Variants in NCAPD3 observed in about 807,000 individuals in gnomAD.
The protein encoded by NCAPD3 is condensin-2 complex subunit D3.
A neutral mutation model predicts 182.9 loss-of-function variants in NCAPD3; 105 were observed. The observed-to-expected ratio is 0.57, with a 90% CI of 0.49 to 0.68. The LOEUF is 0.68. Ranked by LOEUF, NCAPD3 falls within the 30% of genes least tolerant of loss-of-function variation. NCAPD3 has a pLI of 0.00. For synonymous variants in NCAPD3, 815 were observed against 679.9 expected, an observed-to-expected ratio of 1.20 and a Z score of -3.09; for missense variants, 1,944 against 1,837.0, an observed-to-expected ratio of 1.06 and a Z score of -1.07.
chr11:134,158,704 C>G (rs536386824), intron 29 of NCAPD3, among the ~76,000 whole-genome samples: 5 of 152,256 alleles, frequency 3.3e-5, no homozygotes, highest in Admixed American at 3.3e-4. Flanking sequence ...CTTCTATGTA[C>G]TTTGAAATAT....
intron 19 of NCAPD3, among the ~76,000 whole-genome samples, chr11:134,182,372 T>G (rs1944316079): frequency 6.6e-6 from 1 of 152,244 alleles, no homozygotes. Context: ...CATTCATTGG[T>G]CCAGATAGGT....
At position 134,209,382 on chromosome 11, in the gene NCAPD3, C is replaced by G; in HGVS notation, c.663G>C (p.Lys221Asn). The G allele has an allele frequency of 6.2e-7, 1 of 1,614,004 alleles. No individual in the cohort carries two copies. The highest frequency in any genetic ancestry group is 8.5e-7 in the Non-Finnish European group (1 of 1,179,956). ...QIRNAIFHLL[K>N]NFLRLLPKFS... is the part of the protein sequence containing the mutation. Reference sequence around the variant, plus strand: ...ACTTTGGCAGAAGCCTTAAAAAATTCTTTAAAAGGTGAAAGATGGCATTTC... The same window carrying G: ...ACTTTGGCAGAAGCCTTAAAAAATTGTTTAAAAGGTGAAAGATGGCATTTC... The change falls in exon 5 of 35, where the codon AAG becomes AAC. Residue 221 changes from lysine to asparagine, a missense_variant. Transcript: ENST00000534548.
chr11:134,202,721 GAAAA>G, intron 13 of NCAPD3, 91 bp downstream of exon 13: 2 of 765,848 alleles, frequency 2.6e-6, no homozygotes, highest in Admixed American at 3.4e-5. Context: ...GAATAAATCA[GAAAA>G]AAAAAAAAAA....
chr11:134,162,874 A>C (rs1943627593), intron 27 of NCAPD3, among the ~76,000 whole-genome samples: 1 of 152,212 alleles, frequency 6.6e-6, no homozygotes, highest in Non-Finnish European at 1.5e-5. Flanking sequence ...AGAGGTGTTA[A>C]GTGGCAGGGT....
intron 19 of NCAPD3, among the ~76,000 whole-genome samples, 197 bp downstream of exon 19, chr11:134,184,440 T>C (rs576725954): frequency 6.6e-6 from 1 of 152,328 alleles, no homozygotes; most frequent in Non-Finnish European, 1.5e-5. Flanking sequence ...GGGTGCCGTG[T>C]CTCTTAGGCA....
intron 16 of NCAPD3, among the ~76,000 whole-genome samples, chr11:134,190,748 A>T (rs985768116): frequency 3.3e-5 from 5 of 152,166 alleles, no homozygotes; most frequent in African/African-American, 1.2e-4. Context: ...GAGTGCTGGG[A>T]ATATAGCCTG....
intron 3 of NCAPD3, among the ~76,000 whole-genome samples, chr11:134,214,268 A>G (rs1937939887): frequency 1.3e-5 from 2 of 152,336 alleles, no homozygotes; most frequent in East Asian, 3.9e-4. Flanking sequence ...GTAAGATTTC[A>G]GGAAAGTTCA....
At chr11:134,172,163 CCCA>C (rs568536916) in intron 24 of NCAPD3, among the ~76,000 whole-genome samples, 2 of 152,146 alleles carry the variant, frequency 1.3e-5, no homozygotes, top group Non-Finnish European at 2.9e-5. Context: ...CCGTGGTGCT[CCCA>C]CCATCTGCCT....
intron 29 of NCAPD3, 47 bp from the exon 30 acceptor site, chr11:134,158,542 T>C (rs1258304707): frequency 6.4e-7 from 1 of 1,571,240 alleles, no homozygotes; most frequent in Admixed American, 1.7e-5. Flanking sequence ...CTTTTTAAGT[T>C]TTCAAAAACG....
At chr11:134,177,574 GC>G in intron 22 of NCAPD3, 117 bp from the exon 23 acceptor site, 1 of 862,620 alleles carries the variant, frequency 1.2e-6, no homozygotes, top group Non-Finnish European at 1.8e-6. Context: ...AAAACATCAT[GC>G]CCACAATCAC....
chr11:134,172,231 A>T (rs1392958828), intron 24 of NCAPD3, among the ~76,000 whole-genome samples: 8 of 152,070 alleles, frequency 5.3e-5, no homozygotes, highest in Non-Finnish European at 8.8e-5. Context: ...AAATCCCCGC[A>T]GGACTCCCCA....
In NCAPD3 at chr11:134,163,420, C is replaced by A. The variant is rs1943649741; in HGVS notation, c.3574-1529G>T. Among the ~76,000 whole-genome samples the A allele has an allele frequency of 2.6e-5, 4 of 152,176 alleles. 1 individual carries two copies. Among genetic ancestry groups the A allele is most frequent in the Middle Eastern group, 3.4e-3 (1 of 294 alleles). ...TTTGTACTTAAGAAAGACTGCTGGG[C>A]TGGGTGTGGTGGCTCATGCCTGTAA... is the stretch of plus-strand genomic sequence containing the variant. On this transcript the variant is annotated intron_variant, in intron 27 of 34. Transcript: ENST00000534548.
chr11:134,159,939 C>G lies in NCAPD3; in HGVS notation c.3820G>C (p.Asp1274His). The part of the protein sequence containing the change: ...VQEQELAKHA[D>H]VAGTAGGAEV... ...GCACCTCCAGCCGTCCCGGCCACAT[C>G]TGCATGTTTTGCTAGCTCCTGCTCC... The change falls in exon 29 of 35, where the codon GAT becomes CAT. Residue 1274 changes from aspartate (D) to histidine (H), a missense_variant. By Grantham distance (81) the Asp-to-His change is moderately conservative. This residue lies in a region of NCAPD3 where 1,803 missense variants were observed against 1,674.6 expected (regional missense o/e 1.08). Transcript: ENST00000534548. 1 of 1,613,990 alleles carries G rather than the reference C, an allele frequency of 6.2e-7. No homozygotes were observed. Among genetic ancestry groups the G allele is most frequent in the Non-Finnish European group, 8.5e-7 (1 of 1,180,034 alleles).
At chr11:134,175,809 A>C (rs1944146703) in intron 24 of NCAPD3, among the ~76,000 whole-genome samples, 1 of 152,216 alleles carries the variant, frequency 6.6e-6, no homozygotes, top group African/African-American at 2.4e-5. Flanking sequence ...CACGCCACAG[A>C]AGTCTGAAGA....
At chr11:134,181,989 G>A (rs367610038) in intron 19 of NCAPD3, among the ~76,000 whole-genome samples, 1 of 152,208 alleles carries the variant, frequency 6.6e-6, no homozygotes, top group Admixed American at 6.5e-5. Flanking sequence ...AATGCTTTTA[G>A]TCTGACTTGC....
chr11:134,217,613 C>T (rs776570433), intron 2 of NCAPD3, among the ~76,000 whole-genome samples: 1 of 152,112 alleles, frequency 6.6e-6, no homozygotes, highest in Non-Finnish European at 1.5e-5. Flanking sequence ...GAAAAGAAAC[C>T]ACAATTGTAT....
At chr11:134,175,618 G>C (rs1175798394) in intron 24 of NCAPD3, among the ~76,000 whole-genome samples, 1 of 152,066 alleles carries the variant, frequency 6.6e-6, no homozygotes, top group Non-Finnish European at 1.5e-5. Flanking sequence ...CCCCACTGTG[G>C]GGCTTTTGCT....
chr11:134,184,511 TA>T (rs1341447695), intron 19 of NCAPD3, 125 bp downstream of exon 19: 18 of 638,134 alleles, frequency 2.8e-5, no homozygotes, highest in Non-Finnish European at 4.8e-5. Context: ...GTTGCGGCAA[TA>T]GCTGCGGGGG....
At chr11:134,162,654 C>T (rs1248851369) in intron 27 of NCAPD3, among the ~76,000 whole-genome samples, 1 of 152,156 alleles carries the variant, frequency 6.6e-6, no homozygotes, top group Admixed American at 6.5e-5. Context: ...AGAAGGACAA[C>T]AAGTAGAGAA....
Sources: gnomAD v4.1 joint callset for allele counts (sites outside exome capture counted in the v4.1 genomes callset) on GRCh38, gnomAD v4.1.1 for gene constraint, gnomAD v4.1.1 regional missense constraint, MANE v1.5 for transcripts, NCBI Gene and HGNC (gene_info 2026-07-23, HGNC 2026-07-21) for gene names.